Variants in CCDC13 observed in about 807,000 individuals in gnomAD.
CCDC13 encodes coiled-coil domain-containing protein 13.
In CCDC13, 70 loss-of-function variants were observed where a neutral mutation model predicts 87.3. That is an observed-to-expected ratio of 0.80 (90% CI 0.66 to 0.98). The LOEUF is 0.98. Among genes scored for constraint, CCDC13 ranks in the 50% least tolerant of loss-of-function variants. CCDC13 has a pLI of 0.00. For synonymous variants in CCDC13, 317 were observed against 360.3 expected (o/e 0.88, Z 1.36); for missense variants, 842 against 892.0 (o/e 0.94, Z 0.71).
chr3:42,743,587 TTA>T (rs1553690701), intron 7 of CCDC13, among the ~76,000 whole-genome samples: 7 of 97,668 alleles, frequency 7.2e-5, no homozygotes, highest in African/African-American at 2.5e-4. Flanking sequence ...CTGGATAATT[TTA>T]TATATATATA....
rs1698197112 is a variant in CCDC13 at position 42,707,106 on chromosome 3, C to T, written c.*1874G>A. Among the ~76,000 whole-genome samples, 1 of 152,184 alleles carries T rather than the reference C, an allele frequency of 6.6e-6. No homozygotes were observed. Among genetic ancestry groups the T allele is most frequent in the Non-Finnish European group, 1.5e-5 (1 of 68,020 alleles). On this transcript the variant is annotated 3_prime_UTR_variant, in exon 16 of 16. Coordinates refer to ENST00000310232, the MANE Select transcript of CCDC13 (RefSeq NM_144719.4). ...GGAAGGATGGCTGATCCTATGCCTGCTTCTCACTCCCTGGGACTGCACTGA... is the reference window on the plus strand; with the variant it reads ...GGAAGGATGGCTGATCCTATGCCTGTTTCTCACTCCCTGGGACTGCACTGA...
At chr3:42,736,047 CAGG>C (rs1210346387) in intron 9 of CCDC13, 134 bp from the exon 10 acceptor site, 3 of 760,226 alleles carry the variant, frequency 3.9e-6, no homozygotes, top group Non-Finnish European at 6.4e-6. Flanking sequence ...CCTCGAGAGG[CAGG>C]AACACCTTCC....
chr3:42,746,600 C>T (rs184926562), intron 6 of CCDC13: 55 of 164,358 alleles, frequency 3.3e-4, no homozygotes, highest in African/African-American at 1.0e-3. Flanking sequence ...GACCTGGGCC[C>T]CTCTGAAGCC....
chr3:42,762,599 G>A lies in CCDC13; in HGVS notation c.-6-4248C>T, dbSNP rs80032718. Among the ~76,000 whole-genome samples the A allele has an allele frequency of 6.5e-3, 992 of 152,254 alleles. 28 individuals carry two copies. The highest frequency in any genetic ancestry group is 0.05 in the Admixed American group (763 of 15,300). On this transcript the variant is annotated intron_variant, in intron 1 of 15. Transcript: ENST00000310232. ...GGCAGTACTCCATGTAAGTTGCCAC[G>A]AATTGTTTCTGGGAGAAGTAAGTAC...
intron 5 of CCDC13, among the ~76,000 whole-genome samples, chr3:42,751,087 C>A (rs534088676): frequency 6.6e-6 from 1 of 152,286 alleles, no homozygotes; most frequent in South Asian, 2.1e-4. Flanking sequence ...CACTGCACAG[C>A]GAGGACTGAA....
chr3:42,712,801 T>C (rs1037682924), intron 14 of CCDC13, among the ~76,000 whole-genome samples: 2 of 152,216 alleles, frequency 1.3e-5, no homozygotes, highest in Non-Finnish European at 2.9e-5. Context: ...TCAGCCACTG[T>C]TGCTTGGGCT....
At chr3:42,725,525 C>A (rs1338735203) in intron 13 of CCDC13, among the ~76,000 whole-genome samples, 1 of 48,956 alleles carries the variant, frequency 2.0e-5, no homozygotes, top group African/African-American at 7.8e-5. Flanking sequence ...CAGAGTGAGA[C>A]CCTGTCTCAA....
Position 42,730,510 on chromosome 3 carries a change from C to T in CCDC13, c.1675G>A (p.Glu559Lys), listed in dbSNP as rs775013809. The change falls in exon 13 of 16, where the codon GAG (glutamate) becomes AAG (lysine). Residue 559 changes from glutamate to lysine, a missense_variant. Transcript: ENST00000310232. Reference sequence around the variant, plus strand: ...ACAAACTCGGTGAGCCGGTCACGCTCCACCTCGGCAGCCTGCCAGAGGGCC... The same window carrying T: ...ACAAACTCGGTGAGCCGGTCACGCTTCACCTCGGCAGCCTGCCAGAGGGCC... ...IKALWQAAEV[E>K]RDRLTEFVTV... 6.2e-7 allele frequency: 1 copy of T among 1,614,168 alleles called. No individual in the cohort carries two copies. The highest frequency in any genetic ancestry group is 8.5e-7 in the Non-Finnish European group (1 of 1,180,014).
intron 8 of CCDC13, 96 bp from the exon 9 acceptor site, chr3:42,739,906 G>A: frequency 8.7e-7 from 1 of 1,152,722 alleles, no homozygotes; most frequent in Non-Finnish European, 1.2e-6. Flanking sequence ...GCCCGGGGCT[G>A]GGGGTGGGGG....
chr3:42,717,455 T>C (rs1453144312), intron 13 of CCDC13, among the ~76,000 whole-genome samples: 2 of 150,632 alleles, frequency 1.3e-5, no homozygotes, highest in South Asian at 2.1e-4. Flanking sequence ...AAGAGGTTAC[T>C]AGATGCTGGG....
At position 42,707,841 on chromosome 3, in the gene CCDC13, T is replaced by C. The variant is rs1698212258; in HGVS notation, c.*1139A>G. 2.0e-5 allele frequency among the ~76,000 whole-genome samples: 3 copies of C among 152,194 alleles called. No homozygotes were observed. The highest frequency in any genetic ancestry group is 2.0e-4 in the Admixed American group (3 of 15,282). On this transcript the variant is annotated 3_prime_UTR_variant, in exon 16 of 16. Transcript: ENST00000310232. ...GTGTGGGGCTGTGGGTGCACCTGTG[T>C]GGCCAGGGTGTCGGAGTTGGGGTGT...
intron 3 of CCDC13, among the ~76,000 whole-genome samples, chr3:42,756,254 G>C (rs1159771963): frequency 6.6e-6 from 1 of 152,194 alleles, no homozygotes; most frequent in Admixed American, 6.5e-5. Flanking sequence ...TGCTCAATGG[G>C]TATATACATA....
At chr3:42,747,737 G>A (rs893204712) in intron 5 of CCDC13, among the ~76,000 whole-genome samples, 5 of 152,308 alleles carry the variant, frequency 3.3e-5, no homozygotes, top group South Asian at 2.1e-4. Context: ...CAGGCTCCAC[G>A]CCTCCCAGAC....
At chr3:42,712,504 C>T (rs1698335734) in intron 14 of CCDC13, among the ~76,000 whole-genome samples, 1 of 152,214 alleles carries the variant, frequency 6.6e-6, no homozygotes, top group South Asian at 2.1e-4. Flanking sequence ...TTCCCAGCTT[C>T]CCTCTGCACC....
intron 15 of CCDC13, among the ~76,000 whole-genome samples, chr3:42,709,468 T>C (rs1375231974): frequency 6.6e-6 from 1 of 152,174 alleles, no homozygotes; most frequent in African/African-American, 2.4e-5. Flanking sequence ...CTTGATAAAA[T>C]TTCTCTTGGA....
intron 1 of CCDC13, among the ~76,000 whole-genome samples, chr3:42,770,450 A>G (rs1700043763): frequency 6.6e-6 from 1 of 152,162 alleles, no homozygotes; most frequent in African/African-American, 2.4e-5. Context: ...CTAGCTCAGC[A>G]ATTGTAAATG....
At chr3:42,741,736 A>T (rs1352061242) in intron 8 of CCDC13, among the ~76,000 whole-genome samples, 1 of 150,726 alleles carries the variant, frequency 6.6e-6, no homozygotes, top group Non-Finnish European at 1.5e-5. Context: ...GACTCTATCT[A>T]AAAAAAAACA....
intron 8 of CCDC13, 89 bp from the exon 9 acceptor site, chr3:42,739,899 C>T (rs371625243): frequency 1.6e-5 from 21 of 1,293,282 alleles, no homozygotes; most frequent in Middle Eastern, 2.1e-4. Flanking sequence ...TGGCAAGGCC[C>T]GGGGCTGGGG....
At chr3:42,739,541 G>A (rs1373538275) in intron 9 of CCDC13, 93 bp downstream of exon 9, 3 of 1,384,426 alleles carry the variant, frequency 2.2e-6, no homozygotes, top group South Asian at 1.4e-5. Flanking sequence ...GTGGCATTGA[G>A]GGGTGAGTGA....
Sources: allele counts gnomAD v4.1 joint callset (sites outside exome capture counted in the v4.1 genomes callset), GRCh38; gene constraint gnomAD v4.1.1; transcripts MANE v1.5; gene names NCBI Gene and HGNC (gene_info 2026-07-23, HGNC 2026-07-21).